Variants in GPHN observed in about 807,000 individuals in gnomAD.
The protein encoded by GPHN is gephyrin.
Under a neutral mutation model 95.5 loss-of-function variants are expected in GPHN, and 17 were observed. The ratio of observed to expected loss-of-function variants is 0.18; its 90% CI spans 0.12 to 0.27. The LOEUF (loss-of-function observed/expected upper bound fraction) is 0.27, where lower values mean the gene tolerates loss of function less well. GPHN is among the 10% of genes least tolerant of loss of function. The pLI, the probability that GPHN is intolerant of heterozygous loss-of-function variation, is 1.00. For synonymous variants in GPHN, 320 were observed against 322.5 expected (o/e 0.99, Z 0.08); for missense variants, 660 against 978.1 (o/e 0.67, Z 4.34).
the GPHN span, among the ~76,000 whole-genome samples, chr14:67,395,043 C>A: frequency 2.0e-5 from 3 of 152,132 alleles, no homozygotes; most frequent in Non-Finnish European, 4.4e-5. Flanking sequence ...TTATGAGTTA[C>A]CCAATTTCAG....
chr14:66,986,239 T>C (rs2071022176), intron 9 of GPHN, among the ~76,000 whole-genome samples: 1 of 152,032 alleles, frequency 6.6e-6, no homozygotes. Flanking sequence ...TCTTAAGAAA[T>C]TGAAAGAAAG....
the GPHN span, among the ~76,000 whole-genome samples, chr14:67,518,334 G>A: frequency 6.6e-6 from 1 of 152,198 alleles, no homozygotes; most frequent in Non-Finnish European, 1.5e-5. Context: ...ACTTTTCTCA[G>A]CCTATTTTTC....
chr14:67,169,043 C>A lies in GPHN; in HGVS notation c.2079+7C>A, dbSNP rs1446912150. ...AACCATCATCAAAGCAAGGGTAATGCTTTCTAATGACCAGAAACCAAAATG... is the reference window on the plus strand; with the variant it reads ...AACCATCATCAAAGCAAGGGTAATGATTTCTAATGACCAGAAACCAAAATG... On this transcript the variant is annotated splice_region_variant and intron_variant, in intron 21 of 22. Coordinates refer to ENST00000478722, the MANE Select transcript of GPHN (RefSeq NM_020806.5). 5 of 1,583,694 alleles carry A rather than the reference C, an allele frequency of 3.2e-6. No individual in the cohort carries two copies. Among genetic ancestry groups the A allele is most frequent in the African/African-American group, 1.3e-5 (1 of 74,412 alleles).
chr14:66,999,122 T>C (rs114593483), intron 9 of GPHN, among the ~76,000 whole-genome samples: 226 of 152,062 alleles, frequency 1.5e-3, no homozygotes, highest in African/African-American at 5.2e-3. Flanking sequence ...TTAAATACCA[T>C]GCTTTCTCCT....
At chr14:67,548,134 G>A in the GPHN span, among the ~76,000 whole-genome samples, 1 of 152,168 alleles carries the variant, frequency 6.6e-6, no homozygotes, top group Non-Finnish European at 1.5e-5. Flanking sequence ...AAGCCACAAA[G>A]GCTATTCAGA....
At chr14:66,669,008 G>A (rs2066140338) in intron 1 of GPHN, among the ~76,000 whole-genome samples, 1 of 151,424 alleles carries the variant, frequency 6.6e-6, no homozygotes, top group Non-Finnish European at 1.5e-5. Context: ...AGCCTCCTGA[G>A]TAGCAGGGAT....
intron 4 of GPHN, among the ~76,000 whole-genome samples, chr14:66,837,771 A>C (rs1444078997): frequency 7.2e-5 from 11 of 151,938 alleles, no homozygotes. Flanking sequence ...AAAAACAAAA[A>C]TTTCCTATAT....
intron 1 of GPHN, among the ~76,000 whole-genome samples, chr14:66,624,650 A>C (rs1300445885): frequency 2.0e-5 from 3 of 152,172 alleles, no homozygotes; most frequent in Non-Finnish European, 1.5e-5. Flanking sequence ...CTGTGTGCCA[A>C]ATTTGGCTAC....
At chr14:67,357,313 T>C in the GPHN span, among the ~76,000 whole-genome samples, 1 of 152,234 alleles carries the variant, frequency 6.6e-6, no homozygotes, top group Non-Finnish European at 1.5e-5. Context: ...AGCTGCTCAG[T>C]CCTACTCAAA....
chr14:66,920,193 A>C (rs1182779122), intron 6 of GPHN, among the ~76,000 whole-genome samples: 1 of 152,200 alleles, frequency 6.6e-6, no homozygotes, highest in East Asian at 1.9e-4. Context: ...ACAAGGGATG[A>C]AGGGCTCCTA....
chr14:66,998,960 TATCTC>T (rs2072023310), intron 9 of GPHN, among the ~76,000 whole-genome samples: 1 of 151,254 alleles, frequency 6.6e-6, no homozygotes, highest in Admixed American at 6.6e-5. Context: ...TTGTTTTTGA[TATCTC>T]ATTATCAATT....
At chr14:67,466,783 A>T in the GPHN span, among the ~76,000 whole-genome samples, 1 of 152,138 alleles carries the variant, frequency 6.6e-6, no homozygotes, top group African/African-American at 2.4e-5. Flanking sequence ...ACCTGAGGTC[A>T]GGAGCTCAAG....
the GPHN span, among the ~76,000 whole-genome samples, chr14:67,372,799 G>A: frequency 2.0e-5 from 3 of 151,124 alleles, no homozygotes; most frequent in Non-Finnish European, 4.4e-5. Flanking sequence ...CTGCACTCCA[G>A]CCTGGCGACA....
intron 5 of GPHN, among the ~76,000 whole-genome samples, chr14:66,912,364 C>T (rs908109752): frequency 4.6e-5 from 7 of 152,032 alleles, no homozygotes; most frequent in African/African-American, 1.7e-4. Context: ...CTTAACTACC[C>T]CTACCCTTCC....
intron 3 of GPHN, among the ~76,000 whole-genome samples, chr14:66,789,272 C>G (rs555502331): frequency 6.6e-5 from 10 of 152,270 alleles, no homozygotes; most frequent in African/African-American, 2.4e-4. Context: ...TCCATGCCTT[C>G]TTATAATCTT....
intron 2 of GPHN, among the ~76,000 whole-genome samples, chr14:66,687,127 T>G (rs1171635230): frequency 6.6e-6 from 1 of 152,148 alleles, no homozygotes; most frequent in African/African-American, 2.4e-5. Context: ...GATAAGCTTT[T>G]TGATGTGCTG....
At chr14:67,461,839 C>A in the GPHN span, among the ~76,000 whole-genome samples, 2 of 152,218 alleles carry the variant, frequency 1.3e-5, no homozygotes, top group Non-Finnish European at 2.9e-5. Context: ...CACTAAATAA[C>A]ACCTGATGTC....
chr14:67,715,970 C>T, the GPHN span, among the ~76,000 whole-genome samples: 1 of 151,982 alleles, frequency 6.6e-6, no homozygotes, highest in African/African-American at 2.4e-5. Flanking sequence ...CCGAGGCGGG[C>T]GGATCACGAG....
At chr14:67,014,603 A>C (rs2073198433) in intron 9 of GPHN, among the ~76,000 whole-genome samples, 1 of 152,204 alleles carries the variant, frequency 6.6e-6, no homozygotes. Context: ...CAGATAATTA[A>C]GTTTGGAAGT....
Sources: gnomAD v4.1 joint callset for allele counts (sites outside exome capture counted in the v4.1 genomes callset) on GRCh38, gnomAD v4.1.1 for gene constraint, MANE v1.5 for transcripts, NCBI Gene and HGNC (gene_info 2026-07-23, HGNC 2026-07-21) for gene names.